The following DNAJC5 variants were observed in gnomAD, a reference collection of about 807,000 sequenced individuals.
DNAJC5 encodes the protein dnaJ homolog subfamily C member 5.
A neutral mutation model predicts 23.2 loss-of-function variants in DNAJC5; 1 was observed. That is an observed-to-expected ratio of 0.04 (90% CI 0.02 to 0.20). DNAJC5 has a LOEUF of 0.20. DNAJC5 is among the 10% of genes least tolerant of loss of function. The pLI, the probability that DNAJC5 is intolerant of heterozygous loss-of-function variation, is 1.00. For synonymous variants in DNAJC5, 136 were observed against 120.0 expected, an observed-to-expected ratio of 1.13 and a Z score of -0.87; for missense variants, 180 against 267.0, an observed-to-expected ratio of 0.67 and a Z score of 2.27.
intron 1 of DNAJC5, among the ~76,000 whole-genome samples, chr20:63,911,859 T>A (rs1448370821): frequency 6.6e-6 from 1 of 151,820 alleles, no homozygotes; most frequent in Non-Finnish European, 1.5e-5. Flanking sequence ...TTTTTTTTTT[T>A]AATAGAGATG....
intron 1 of DNAJC5, among the ~76,000 whole-genome samples, chr20:63,913,148 T>C (rs964633311): frequency 5.0e-5 from 4 of 79,838 alleles, no homozygotes; most frequent in African/African-American, 3.6e-4. Flanking sequence ...CCCTGTGCTG[T>C]GTCATGCCCG....
At chr20:63,908,695 C>A (rs2053462617) in intron 1 of DNAJC5, among the ~76,000 whole-genome samples, 2 of 152,348 alleles carry the variant, frequency 1.3e-5, no homozygotes, top group South Asian at 4.1e-4. Context: ...GTGGTCCCAG[C>A]TGCTTGAAGT....
chr20:63,914,738 G>A (rs927528169), intron 1 of DNAJC5, among the ~76,000 whole-genome samples: 3 of 151,082 alleles, frequency 2.0e-5, no homozygotes, highest in African/African-American at 7.3e-5. Flanking sequence ...GCTTCAGCCT[G>A]CTGAGTAGCT....
chr20:63,905,062 C>A (rs2053438687), intron 1 of DNAJC5, among the ~76,000 whole-genome samples: 1 of 150,092 alleles, frequency 6.7e-6, no homozygotes, highest in South Asian at 2.1e-4. Flanking sequence ...GCCTCGGCCT[C>A]CCAAAGTGTC....
At chr20:63,915,758 A>G (rs544557712) in intron 1 of DNAJC5, among the ~76,000 whole-genome samples, 6 of 152,360 alleles carry the variant, frequency 3.9e-5, no homozygotes, top group African/African-American at 1.4e-4. Flanking sequence ...TTGGGCACCC[A>G]GAAGTTCCAC....
At chr20:63,902,899 G>C (rs1324869111) in intron 1 of DNAJC5, among the ~76,000 whole-genome samples, 1 of 144,916 alleles carries the variant, frequency 6.9e-6, no homozygotes, top group Non-Finnish European at 1.5e-5. Context: ...GGATGGTCTC[G>C]ATCTCCTGAC....
At chr20:63,902,645 G>A (rs1216724731) in intron 1 of DNAJC5, among the ~76,000 whole-genome samples, 15 of 151,074 alleles carry the variant, frequency 9.9e-5, no homozygotes, top group Non-Finnish European at 2.1e-4. Flanking sequence ...TGGGATTACA[G>A]GCGTGAGCCA....
Position 63,930,982 on chromosome 20 carries a change from C to T in DNAJC5, c.453C>T (p.Ser151=), listed in dbSNP as rs1482200561. ...GCGAGGAGACGGAGTTCTACGTGTCCCCCGAGGATCTGGAGGCACAGCTGC... is the reference window on the plus strand; with the variant it reads ...GCGAGGAGACGGAGTTCTACGTGTCTCCCGAGGATCTGGAGGCACAGCTGC... The part of the protein sequence containing the change: ...PEGEETEFYV[S]PEDLEAQLQS... The change falls in exon 4 of 5, where the codon TCC becomes TCT. Residue 151 remains serine (S), a synonymous_variant. Coordinates refer to ENST00000360864, the MANE Select transcript of DNAJC5 (RefSeq NM_025219.3). 1.4e-5 allele frequency: 22 copies of T among 1,614,098 alleles called. No homozygotes were observed. Among genetic ancestry groups the T allele is most frequent in the Non-Finnish European group, 1.9e-5 (22 of 1,180,042 alleles).
chr20:63,896,202 G>A (rs1351540316), intron 1 of DNAJC5, among the ~76,000 whole-genome samples: 1 of 152,194 alleles, frequency 6.6e-6, no homozygotes, highest in African/African-American at 2.4e-5. Flanking sequence ...TTACCTGAAG[G>A]CAAAAGTTTA....
At chr20:63,917,082 A>G (rs948469322) in intron 1 of DNAJC5, among the ~76,000 whole-genome samples, 2 of 152,236 alleles carry the variant, frequency 1.3e-5, no homozygotes, top group Non-Finnish European at 2.9e-5. Flanking sequence ...AGATAACAGG[A>G]TTAAGAGATT....
In DNAJC5 at chr20:63,932,526, CCA is replaced by C. The variant is rs761715605; in HGVS notation, c.*961_*962del. ...CAGATGATAGGACCAGCCCAATGAG[CCA>C]CAGTCAGAGAGTAGATTGTGCATGT... On this transcript the variant is annotated 3_prime_UTR_variant, in exon 5 of 5. Transcript: ENST00000360864. The surrounding 1 kb of genome is among the most constrained non-coding windows in gnomAD (Gnocchi z 4.4). 7 of 152,654 alleles carry C rather than the reference CCA, an allele frequency of 4.6e-5. No individual in the cohort carries two copies. The East Asian group carries it at 1.3e-3, about 29-fold the overall frequency. 9.5% of individuals were successfully genotyped at this position (152,654 alleles called of 1,614,324 possible).
chr20:63,909,009 A>G (rs188629067), intron 1 of DNAJC5: 1 of 152,244 alleles, frequency 6.6e-6, no homozygotes, highest in Admixed American at 6.6e-5. Context: ...TCCCAGGGCA[A>G]GGCTTAGCCA....
chr20:63,925,415 A>G (rs982959751), intron 1 of DNAJC5, among the ~76,000 whole-genome samples: 3 of 152,142 alleles, frequency 2.0e-5, no homozygotes, highest in East Asian at 1.9e-4. Context: ...CCCGGGAGGC[A>G]GAGATTGCAG....
intron 1 of DNAJC5, among the ~76,000 whole-genome samples, chr20:63,909,764 C>G (rs1012203673): frequency 6.6e-6 from 1 of 152,172 alleles, no homozygotes; most frequent in African/African-American, 2.4e-5. Context: ...CCTTTTCTTC[C>G]GTGATAGGAA....
At chr20:63,917,978 G>A (rs1382213819) in intron 1 of DNAJC5, among the ~76,000 whole-genome samples, 1 of 152,182 alleles carries the variant, frequency 6.6e-6, no homozygotes, top group Non-Finnish European at 1.5e-5. Flanking sequence ...CAGTGTCTGT[G>A]CTGCTCACGG....
intron 3 of DNAJC5, 87 bp from the exon 4 acceptor site, chr20:63,930,764 G>C: frequency 6.2e-7 from 1 of 1,602,224 alleles, no homozygotes; most frequent in Non-Finnish European, 8.5e-7. Context: ...CGCACCCCCT[G>C]CCTTCTGCTG....
intron 1 of DNAJC5, among the ~76,000 whole-genome samples, chr20:63,915,799 C>T (rs1020701127): frequency 5.9e-5 from 9 of 152,298 alleles, no homozygotes; most frequent in East Asian, 1.9e-4. Flanking sequence ...AATTCTTCCT[C>T]GACTGTTTGT....
At position 63,914,773 on chromosome 20, in the gene DNAJC5, G is replaced by A. The variant is rs930099793; in HGVS notation, c.-11-13562G>A. Among the ~76,000 whole-genome samples, 62 of 151,914 alleles carry A rather than the reference G, an allele frequency of 4.1e-4. 1 individual carries two copies. Among genetic ancestry groups the A allele is most frequent in the South Asian group, 1.2e-3 (6 of 4,814 alleles). ...TGGGATTACAGGCACCTGCCACCAC[G>A]CCCTGCTAATTTCTGTATTTTTAGC... On this transcript the variant is annotated intron_variant, in intron 1 of 4. Coordinates refer to ENST00000360864, the MANE Select transcript of DNAJC5 (RefSeq NM_025219.3).
chr20:63,912,176 G>A (rs1215075538), intron 1 of DNAJC5, among the ~76,000 whole-genome samples: 2 of 152,154 alleles, frequency 1.3e-5, no homozygotes, highest in African/African-American at 2.4e-5. Flanking sequence ...GGCGGCAGAT[G>A]CCTGTGATCC....
Sources: allele counts gnomAD v4.1 joint callset (sites outside exome capture counted in the v4.1 genomes callset), GRCh38; gene constraint gnomAD v4.1.1; non-coding constraint Gnocchi (gnomAD v3.1); transcripts MANE v1.5; gene names NCBI Gene and HGNC (gene_info 2026-07-23, HGNC 2026-07-21).